Variants in HPGD observed in about 807,000 individuals in gnomAD.
HPGD encodes the protein 15-hydroxyprostaglandin dehydrogenase [NAD(+)].
A neutral mutation model predicts 30.0 loss-of-function variants in HPGD; 29 were observed. That is an observed-to-expected ratio of 0.97 (90% confidence interval 0.72 to 1.32). HPGD has a LOEUF of 1.32. Ranked by LOEUF, HPGD falls within the 40% of genes most tolerant of loss-of-function variation. The pLI is 0.00. For missense variants in HPGD, 340 were observed against 322.1 expected (o/e 1.06, Z -0.43); for synonymous variants, 99 against 112.4 (o/e 0.88, Z 0.75).
intron 4 of HPGD, among the ~76,000 whole-genome samples, chr4:174,497,167 T>A (rs181899473): frequency 6.6e-6 from 1 of 152,208 alleles, no homozygotes; most frequent in Non-Finnish European, 1.5e-5. Flanking sequence ...TGTTCATATA[T>A]AGCAGGAAAT....
rs1346754838 is a variant in HPGD, at chr4:174,522,036, C to G, written c.125G>C (p.Gly42Ala). The stretch of plus-strand genomic sequence containing the variant: ...ATCCAGGGCAGCTTTACACTGTACA[C>G]CTGCTTCAAGATTCCAATCCACCAG... Reference protein sequence around the residue: ...VALVDWNLEAGVQCKAALDEQ... With the variant: ...VALVDWNLEAAVQCKAALDEQ... Residue 42 changes from glycine (G) to alanine (A), a missense_variant, in exon 2 of 7, where the codon GGT becomes GCT. Coordinates refer to ENST00000296522, the MANE Select transcript of HPGD (RefSeq NM_000860.6). The G allele has an allele frequency of 6.2e-7, 1 of 1,614,162 alleles. No homozygotes were observed. Among genetic ancestry groups the G allele is most frequent in the Admixed American group, 1.7e-5 (1 of 60,036 alleles).
At chr4:174,497,885 C>T (rs1734714685) in intron 4 of HPGD, among the ~76,000 whole-genome samples, 1 of 144,596 alleles carries the variant, frequency 6.9e-6, no homozygotes, top group Non-Finnish European at 1.5e-5. Flanking sequence ...CTCACTTTCT[C>T]TCTCTCTCTT....
chr4:174,505,622 G>A (rs1735148553), intron 4 of HPGD, among the ~76,000 whole-genome samples: 1 of 151,600 alleles, frequency 6.6e-6, no homozygotes, highest in African/African-American at 2.4e-5. Flanking sequence ...GCTCTCCGTT[G>A]GTGGATAAAA....
intron 4 of HPGD, chr4:174,506,942 T>A (rs1005767227): frequency 6.6e-6 from 1 of 152,226 alleles, no homozygotes; most frequent in African/African-American, 2.4e-5. Context: ...TTGCTGACCC[T>A]CTTAGCTTTA....
chr4:174,494,411 A>G lies in HPGD; in HGVS notation c.499-1097T>C, dbSNP rs1417990496. On this transcript the variant is annotated intron_variant, in intron 5 of 6. Coordinates refer to ENST00000296522, the MANE Select transcript of HPGD (RefSeq NM_000860.6). The surrounding 1 kb of genome is among the most constrained non-coding windows in gnomAD (Gnocchi z 4.9). Reference sequence around the variant, plus strand: ...AGTGACTTCATGGAACATAACCACCATGCATACTGAGAATTGACTGTAGAA... The same window carrying G: ...AGTGACTTCATGGAACATAACCACCGTGCATACTGAGAATTGACTGTAGAA... 3.3e-5 allele frequency among the ~76,000 whole-genome samples: 5 copies of G among 152,216 alleles called. No individual in the cohort carries two copies. The highest frequency in any genetic ancestry group is 7.4e-5 in the Non-Finnish European group (5 of 68,024).
intron 2 of HPGD, among the ~76,000 whole-genome samples, chr4:174,518,901 A>G (rs1735932237): frequency 6.6e-6 from 1 of 152,184 alleles, no homozygotes; most frequent in Non-Finnish European, 1.5e-5. Context: ...TTCTACTTCT[A>G]TTATTTTACA....
intron 4 of HPGD, among the ~76,000 whole-genome samples, chr4:174,498,649 T>G (rs1464204194): frequency 1.3e-5 from 2 of 152,190 alleles, no homozygotes; most frequent in African/African-American, 2.4e-5. Context: ...GATTCATCCA[T>G]GTTGTAATGT....
Position 174,491,997 on chromosome 4 carries a change from G to T in HPGD, c.760C>A (p.Gln254Lys), listed in dbSNP as rs151167308. Residue 254 changes from glutamine (Q) to lysine (K), a missense_variant, in exon 7 of 7, where the codon CAA (glutamine) becomes AAA (lysine). Gln to Lys is a moderately conservative substitution (Grantham distance 53). Transcript: ENST00000296522. Reference sequence around the variant, plus strand: ...TGAAATGGAGTTGTATCATAGTCTTGAAAATGAATTCCCTTAGAAGTTGTG... The same window carrying T: ...TGAAATGGAGTTGTATCATAGTCTTTAAAATGAATTCCCTTAGAAGTTGTG... Reference protein sequence around the residue: ...KITTSKGIHFQDYDTTPFQAK... With the variant: ...KITTSKGIHFKDYDTTPFQAK... 1.7e-5 allele frequency: 28 copies of T among 1,611,356 alleles called. No homozygotes were observed. In the African/African-American group the frequency reaches 3.6e-4, roughly 21 times the overall value.
At chr4:174,516,399 T>A (rs1300679504) in intron 3 of HPGD, among the ~76,000 whole-genome samples, 4 of 152,120 alleles carry the variant, frequency 2.6e-5, no homozygotes, top group African/African-American at 4.8e-5. Flanking sequence ...GAAAATCAAA[T>A]ACCTCATGTT....
At chr4:174,522,207 G>C (rs1736174889) in intron 1 of HPGD, 140 bp from the exon 2 acceptor site, 1 of 1,434,404 alleles carries the variant, frequency 7.0e-7, no homozygotes, top group African/African-American at 1.4e-5. Flanking sequence ...CTTCTGAGGT[G>C]TGCTCACAGC....
At position 174,493,303 on chromosome 4, in the gene HPGD, A is replaced by ATT; in HGVS notation, c.508_509dup (p.Asn170LysfsTer4). 6.2e-7 allele frequency: 1 copy of ATT among 1,613,146 alleles called. No homozygotes were observed. Among genetic ancestry groups the ATT allele is most frequent in the Non-Finnish European group, 8.5e-7 (1 of 1,179,308 alleles). On this transcript the variant is annotated frameshift_variant, in exon 6 of 7. Coordinates refer to ENST00000296522, the MANE Select transcript of HPGD (RefSeq NM_000860.6). LOFTEE classifies it high-confidence loss of function. ...TCAGTCTCACACCACTGTTCATAAG[A>ATT]TTAGCAGCCAACTGCCAATTAGAAG...
chr4:174,518,833 C>T (rs1175144949), intron 2 of HPGD, among the ~76,000 whole-genome samples: 1 of 152,148 alleles, frequency 6.6e-6, no homozygotes, highest in Non-Finnish European at 1.5e-5. Context: ...TTTCTCAAAG[C>T]AGCCTTTGAC....
chr4:174,504,976 G>T (rs1318199088), intron 4 of HPGD, among the ~76,000 whole-genome samples: 12 of 152,148 alleles, frequency 7.9e-5, no homozygotes, highest in Non-Finnish European at 1.6e-4. Flanking sequence ...GGATGGATGT[G>T]GCAAAATTAG....
chr4:174,520,482 C>T (rs1229649671), intron 2 of HPGD, among the ~76,000 whole-genome samples: 1 of 152,126 alleles, frequency 6.6e-6, no homozygotes, highest in Non-Finnish European at 1.5e-5. Flanking sequence ...GTCATGTTTC[C>T]TTTAGATGCA....
At chr4:174,522,129 T>A (rs1359976425) in intron 1 of HPGD, 62 bp from the exon 2 acceptor site, 3 of 1,611,650 alleles carry the variant, frequency 1.9e-6, no homozygotes, top group Non-Finnish European at 1.7e-6. Context: ...GGACAAACAA[T>A]AAACACACAA....
intron 3 of HPGD, 89 bp from the exon 4 acceptor site, chr4:174,508,881 T>C: frequency 1.3e-6 from 1 of 773,704 alleles, no homozygotes; most frequent in Admixed American, 1.7e-5. Context: ...CTATTCCAGA[T>C]ACCTAGGGAG....
rs45542137 is a variant in HPGD, at chr4:174,509,039, T to A, written c.325-247A>T. Among the ~76,000 whole-genome samples, 14,926 of 152,282 alleles carry A rather than the reference T, an allele frequency of 0.098. 877 individuals are homozygous for A. The highest frequency in any genetic ancestry group is 0.25 in the East Asian group (1,280 of 5,178). On this transcript the variant is annotated intron_variant, in intron 3 of 6. Coordinates refer to ENST00000296522, the MANE Select transcript of HPGD (RefSeq NM_000860.6). ...CACTTAGTTGCCCAATATGAGATTT[T>A]ATGCTACAGGTTGTATTCCAAAAAT... is the stretch of plus-strand genomic sequence containing the variant.
At chr4:174,508,079 GA>G in intron 4 of HPGD, 1 of 697,744 alleles carries the variant, frequency 1.4e-6, no homozygotes, top group Non-Finnish European at 2.6e-6. Flanking sequence ...TTCTGCTAGA[GA>G]AAAAGGAATC....
chr4:174,521,572 G>T (rs1432280973), intron 2 of HPGD, among the ~76,000 whole-genome samples: 1 of 152,192 alleles, frequency 6.6e-6, no homozygotes, highest in Non-Finnish European at 1.5e-5. Context: ...CCAGCTTTCT[G>T]GGAGAAGTTG....
Sources: gnomAD v4.1 joint callset for allele counts (sites outside exome capture counted in the v4.1 genomes callset) on GRCh38, gnomAD v4.1.1 for gene constraint, Gnocchi (gnomAD v3.1) non-coding constraint, MANE v1.5 for transcripts, NCBI Gene and HGNC (gene_info 2026-07-23, HGNC 2026-07-21) for gene names.